Variants in TRMT1L observed in about 807,000 individuals in gnomAD.
TRMT1L encodes the protein tRNA (guanine(27)-N(2))-dimethyltransferase.
A neutral mutation model predicts 81.6 loss-of-function variants in TRMT1L; 28 were observed. The observed-to-expected ratio is 0.34, with a 90% CI of 0.25 to 0.47. TRMT1L has a LOEUF of 0.47. Among genes scored for constraint, TRMT1L ranks in the 20% least tolerant of loss-of-function variants. TRMT1L has a pLI of 1.00. For synonymous variants in TRMT1L, 301 were observed against 303.2 expected, an observed-to-expected ratio of 0.99 and a Z score of 0.07; for missense variants, 739 against 877.1, an observed-to-expected ratio of 0.84 and a Z score of 1.99.
At chr1:185,144,100 C>A in intron 5 of TRMT1L, 71 bp from the exon 6 acceptor site, 1 of 1,399,168 alleles carries the variant, frequency 7.1e-7, no homozygotes, top group Non-Finnish European at 9.7e-7. Context: ...TCCAAGAAAA[C>A]ACAAAATAAT....
At chr1:185,123,990 A>G in intron 12 of TRMT1L, 71 bp from the exon 13 acceptor site, 4 of 889,280 alleles carry the variant, frequency 4.5e-6, no homozygotes, top group African/African-American at 1.7e-5. Context: ...CAGTTTAAAT[A>G]AAAGTTTATG....
At chr1:185,156,966 A>C, upstream of TRMT1L, 2 of 540,060 alleles carry the variant, frequency 3.7e-6, no homozygotes, top group East Asian at 3.6e-5. Flanking sequence ...CGCCACCACA[A>C]ACTGCGCAGA....
intron 1 of TRMT1L, among the ~76,000 whole-genome samples, chr1:185,155,357 C>T (rs1051507674): frequency 9.9e-5 from 15 of 152,232 alleles, no homozygotes; most frequent in Non-Finnish European, 8.8e-5. Context: ...TCCCTACCCA[C>T]TGTAGTTGAA....
At chr1:185,125,132 G>C (rs759806559) in intron 11 of TRMT1L, 22 bp from the exon 12 acceptor site, 1 of 1,571,152 alleles carries the variant, frequency 6.4e-7, no homozygotes, top group South Asian at 1.2e-5. Flanking sequence ...AGAATATACA[G>C]AGAACTGGGT....
At chr1:185,143,856 A>G (rs754795866) in intron 6 of TRMT1L, 50 bp downstream of exon 6, 1 of 1,496,296 alleles carries the variant, frequency 6.7e-7, no homozygotes, top group Non-Finnish European at 9.1e-7. Context: ...GAGAAGGTAC[A>G]CTTATAATAA....
chr1:185,134,488 T>C (rs545848570), intron 10 of TRMT1L, among the ~76,000 whole-genome samples: 2 of 152,322 alleles, frequency 1.3e-5, no homozygotes, highest in South Asian at 2.1e-4. Flanking sequence ...TGCCCAGCTA[T>C]TTGACTTTTT....
chr1:185,124,925 C>A lies in TRMT1L; in HGVS notation c.1759+19G>T. 1 of 1,599,836 alleles carries A rather than the reference C, an allele frequency of 6.3e-7. No individual in the cohort carries two copies. The highest frequency in any genetic ancestry group is 1.7e-5 in the Admixed American group (1 of 59,284). On this transcript the variant is annotated intron_variant, in intron 12 of 14. Transcript: ENST00000367506. Reference sequence around the variant, plus strand: ...TGGTAAGCAGTTTAAAGCTAGTAAGCTAGCGTTCAGTTAGTCACCTTGCTT... The same window carrying A: ...TGGTAAGCAGTTTAAAGCTAGTAAGATAGCGTTCAGTTAGTCACCTTGCTT...
At chr1:185,150,344 A>G (rs374657342) in intron 3 of TRMT1L, 35 bp downstream of exon 3, 1 of 1,425,718 alleles carries the variant, frequency 7.0e-7, no homozygotes, top group African/African-American at 1.4e-5. Flanking sequence ...TGAATTTCAT[A>G]TATATTACTT....
chr1:185,149,352 T>G (rs1653278776), intron 3 of TRMT1L, among the ~76,000 whole-genome samples: 1 of 151,592 alleles, frequency 6.6e-6, no homozygotes, highest in South Asian at 2.1e-4. Context: ...TTGCCCAGGC[T>G]GGAATACAGT....
In TRMT1L at chr1:185,119,605, GC is replaced by G. The variant is rs2102223941; in HGVS notation, c.*413del. 6.4e-6 allele frequency: 1 copy of G among 155,640 alleles called. No homozygotes were observed. Among genetic ancestry groups the G allele is most frequent in the African/African-American group, 2.4e-5 (1 of 41,622 alleles). 9.6% of individuals were successfully genotyped at this position (155,640 alleles called of 1,614,324 possible). A position where few individuals can be genotyped will look rare whatever the true frequency, so the allele number is the denominator to read the frequency against. On this transcript the variant is annotated 3_prime_UTR_variant, in exon 15 of 15. Transcript: ENST00000367506. ...TATTCAGGGTCATTTTAACATGTGA[GC>G]CTTCAGCTTCATTTTGTACACTACA...
intron 13 of TRMT1L, among the ~76,000 whole-genome samples, chr1:185,122,001 C>T (rs138822469): frequency 1.1e-4 from 17 of 152,062 alleles, no homozygotes; most frequent in African/African-American, 4.1e-4. Context: ...TGTGAGTACC[C>T]AAAGTTTAGC....
In TRMT1L at chr1:185,151,810, C is replaced by G; in HGVS notation, c.346+15G>C. The G allele has an allele frequency of 6.7e-7, 1 of 1,500,144 alleles. No individual in the cohort carries two copies. The highest frequency in any genetic ancestry group is 1.5e-5 in the African/African-American group (1 of 68,904). The allele number at this position is 1,500,144 out of a possible 1,614,324, so 92.9% of individuals were successfully genotyped here. On this transcript the variant is annotated intron_variant, in intron 2 of 14. Transcript: ENST00000367506. ...TAGAAACTAAGAAAAAAAAAAAACC[C>G]AAACATGGAAATACCTGCATCAAGA...
In TRMT1L at chr1:185,150,504, A is replaced by C; in HGVS notation, c.347-12T>G. ...AGCCTGTCTGTTGCCTTAAAAAGAAAAAAGAATCAATAAACAACAGAATAT... is the reference window on the plus strand; with the variant it reads ...AGCCTGTCTGTTGCCTTAAAAAGAACAAAGAATCAATAAACAACAGAATAT... On this transcript the variant is annotated splice_polypyrimidine_tract_variant and intron_variant, in intron 2 of 14. Transcript: ENST00000367506. The C allele has an allele frequency of 6.4e-7, 1 of 1,574,800 alleles. No homozygotes were observed. Among genetic ancestry groups the C allele is most frequent in the Non-Finnish European group, 8.7e-7 (1 of 1,145,666 alleles).
chr1:185,123,939 G>A lies in TRMT1L; in HGVS notation c.1760-20C>T. 4.4e-6 allele frequency: 6 copies of A among 1,354,468 alleles called. No individual in the cohort carries two copies. The highest frequency in any genetic ancestry group is 6.0e-6 in the Non-Finnish European group (6 of 998,546). 83.9% of individuals were successfully genotyped at this position (1,354,468 alleles called of 1,614,324 possible). ...TTTCTTCTAAAAAATAAAGCAAATG[G>A]GAAAAGAAAATATTTTACAGAATGA... is the stretch of plus-strand genomic sequence containing the variant. On this transcript the variant is annotated intron_variant, in intron 12 of 14. Transcript: ENST00000367506.
In TRMT1L at chr1:185,124,933, C is replaced by T; in HGVS notation, c.1759+11G>A. On this transcript the variant is annotated intron_variant, in intron 12 of 14. Transcript: ENST00000367506. ...AGTTTAAAGCTAGTAAGCTAGCGTTCAGTTAGTCACCTTGCTTGTTGACAT... is the reference window on the plus strand; with the variant it reads ...AGTTTAAAGCTAGTAAGCTAGCGTTTAGTTAGTCACCTTGCTTGTTGACAT... 2 of 1,603,846 alleles carry T rather than the reference C, an allele frequency of 1.2e-6. No homozygotes were observed. The highest frequency in any genetic ancestry group is 1.1e-5 in the South Asian group (1 of 88,670).
At chr1:185,124,704 A>C (rs1222558810) in intron 12 of TRMT1L, 1 of 249,450 alleles carries the variant, frequency 4.0e-6, no homozygotes, top group East Asian at 8.0e-5. Context: ...TCCAAAAAAA[A>C]AACAACAAAA....
intron 11 of TRMT1L, 77 bp from the exon 12 acceptor site, chr1:185,125,187 T>C: frequency 9.6e-7 from 1 of 1,044,208 alleles, no homozygotes. Flanking sequence ...ACAATTTAAC[T>C]ATAAGTAAGA....
chr1:185,139,462 T>C lies in TRMT1L; in HGVS notation c.1227A>G (p.Ala409=). The change falls in exon 9 of 15, where the codon GCA becomes GCG. Residue 409 remains alanine, a synonymous_variant. Transcript: ENST00000367506. ...CGTAGTGACGCCGGGCAACATGCTG[T>C]GCCTTGGCATATAAAGAACTGATAT... ...STDISSLYAK[A]QHVARRHYGC... The C allele has an allele frequency of 6.2e-7, 1 of 1,614,188 alleles. No homozygotes were observed. Among genetic ancestry groups the C allele is most frequent in the Non-Finnish European group, 8.5e-7 (1 of 1,180,034 alleles).
chr1:185,130,700 A>G lies in TRMT1L; in HGVS notation c.1514-1953T>C, dbSNP rs145127755. Among the ~76,000 whole-genome samples the G allele has an allele frequency of 3.4e-3, 523 of 152,346 alleles. 3 individuals are homozygous for G. The highest frequency in any genetic ancestry group is 4.0e-3 in the Non-Finnish European group (271 of 68,028). ...ACAATCAAGCGTCTGTGTCCTCCCC[A>G]TTCCAAAAGATGAAGTTAATCTTTG... On this transcript the variant is annotated intron_variant, in intron 10 of 14. Transcript: ENST00000367506.
Sources: gnomAD v4.1 joint callset for allele counts (sites outside exome capture counted in the v4.1 genomes callset) on GRCh38, gnomAD v4.1.1 for gene constraint, MANE v1.5 for transcripts, NCBI Gene and HGNC (gene_info 2026-07-23, HGNC 2026-07-21) for gene names.